Variants in COX7B2 observed in about 807,000 individuals in gnomAD.
COX7B2 encodes cytochrome c oxidase subunit 7B2, mitochondrial.
For missense variants in COX7B2, 109 were observed against 95.9 expected (o/e 1.14, Z -0.57); for synonymous variants, 37 against 32.1 (o/e 1.15, Z -0.51).
chr4:46,758,787 G>A (rs1715955010), intron 2 of COX7B2, among the ~76,000 whole-genome samples: 1 of 151,964 alleles, frequency 6.6e-6, no homozygotes, highest in Non-Finnish European at 1.5e-5. Flanking sequence ...CAGTTTTCAT[G>A]GACTCACAAT....
intron 2 of COX7B2, among the ~76,000 whole-genome samples, chr4:46,744,425 C>T (rs952146421): frequency 3.9e-5 from 6 of 152,068 alleles, no homozygotes; most frequent in Admixed American, 2.0e-4. Flanking sequence ...AGCAGCCAAC[C>T]TCTGCTATAA....
intron 2 of COX7B2, among the ~76,000 whole-genome samples, chr4:46,747,280 C>CTATTTTATTTTATTT (rs113440373): frequency 3.9e-5 from 4 of 102,422 alleles, no homozygotes; most frequent in African/African-American, 9.5e-5. Context: ...CATTAAGCTC[C>CTATTTTATTTTATTT]TATTTTATTT....
At chr4:46,902,109 G>A (rs977196529) in intron 1 of COX7B2, among the ~76,000 whole-genome samples, 4 of 152,088 alleles carry the variant, frequency 2.6e-5, no homozygotes, top group African/African-American at 9.7e-5. Context: ...TGAGCAATGG[G>A]TTTTCCAATA....
At chr4:46,848,312 T>C (rs1479191650) in intron 1 of COX7B2, among the ~76,000 whole-genome samples, 1 of 152,082 alleles carries the variant, frequency 6.6e-6, no homozygotes, top group Non-Finnish European at 1.5e-5. Context: ...AAGACATGCT[T>C]GGATTGGCTT....
intron 2 of COX7B2, among the ~76,000 whole-genome samples, chr4:46,754,366 T>C (rs1271121711): frequency 2.6e-5 from 4 of 151,108 alleles, no homozygotes; most frequent in African/African-American, 4.9e-5. Flanking sequence ...ATATACACCA[T>C]GGAATACTAT....
intron 1 of COX7B2, among the ~76,000 whole-genome samples, chr4:46,873,723 A>T (rs1718148671): frequency 6.6e-6 from 1 of 152,172 alleles, no homozygotes; most frequent in Non-Finnish European, 1.5e-5. Context: ...CACAACGTGC[A>T]GGTTTGTTAC....
Position 46,763,839 on chromosome 4 carries a change from G to A in COX7B2, c.-49-28598C>T, listed in dbSNP as rs77422331. On this transcript the variant is annotated intron_variant, in intron 2 of 2. Coordinates refer to ENST00000355591, the MANE Select transcript of COX7B2 (RefSeq NM_130902.3). ...TGCACATACACACATACTTTGAAAC[G>A]GACAAATGATTAATGACTTTAGAAA... 3.3e-5 allele frequency among the ~76,000 whole-genome samples: 5 copies of A among 152,128 alleles called. No homozygotes were observed. The East Asian group carries it at 9.7e-4, about 29-fold the overall frequency.
rs568752015 is a variant in COX7B2 at position 46,905,214 on chromosome 4, T to G, written c.-105+3946A>C. Among the ~76,000 whole-genome samples, 29 of 152,198 alleles carry G rather than the reference T, an allele frequency of 1.9e-4. No individual in the cohort carries two copies. The South Asian group carries it at 4.6e-3, about 24-fold the overall frequency. ...GAACCTGTAGGCATGGGTAAATATA[T>G]GAATAGAAGTAAGGTTTGTCAAATT... On this transcript the variant is annotated intron_variant, in intron 1 of 2. Transcript: ENST00000355591.
chr4:46,831,105 C>T (rs1230950119), intron 2 of COX7B2, among the ~76,000 whole-genome samples: 1 of 152,282 alleles, frequency 6.6e-6, no homozygotes, highest in East Asian at 1.9e-4. Flanking sequence ...TCCGGGTGGG[C>T]ATGGGCTTGG....
chr4:46,890,290 A>G (rs560020453), intron 1 of COX7B2, among the ~76,000 whole-genome samples: 2 of 152,332 alleles, frequency 1.3e-5, no homozygotes, highest in Admixed American at 6.5e-5. Flanking sequence ...TCTGGCAACT[A>G]GCTGCGAACT....
intron 2 of COX7B2, among the ~76,000 whole-genome samples, chr4:46,766,075 GT>G (rs1716517414): frequency 6.6e-6 from 1 of 152,114 alleles, no homozygotes; most frequent in African/African-American, 2.4e-5. Flanking sequence ...GCCAGACCCT[GT>G]TTCCAACACA....
chr4:46,778,225 C>T (rs1472033352), intron 2 of COX7B2, among the ~76,000 whole-genome samples: 2 of 152,116 alleles, frequency 1.3e-5, no homozygotes, highest in Non-Finnish European at 2.9e-5. Context: ...TCAGAAGTAT[C>T]CATGAACAAG....
At chr4:46,848,159 T>C (rs1716417547) in intron 1 of COX7B2, among the ~76,000 whole-genome samples, 1 of 152,084 alleles carries the variant, frequency 6.6e-6, no homozygotes, top group Non-Finnish European at 1.5e-5. Context: ...TAAGACCCAA[T>C]TAGTGTCAGA....
At chr4:46,822,617 C>A (rs560844140) in intron 2 of COX7B2, among the ~76,000 whole-genome samples, 1 of 152,202 alleles carries the variant, frequency 6.6e-6, no homozygotes, top group South Asian at 2.1e-4. Flanking sequence ...AACTTAAATT[C>A]TATTTTAAAA....
intron 2 of COX7B2, among the ~76,000 whole-genome samples, chr4:46,737,613 C>T (rs1714442464): frequency 6.6e-6 from 1 of 152,112 alleles, no homozygotes; most frequent in African/African-American, 2.4e-5. Context: ...ATGTGCATTT[C>T]ATAATAGCCA....
chr4:46,753,826 C>T (rs1715569368), intron 2 of COX7B2, among the ~76,000 whole-genome samples: 1 of 152,082 alleles, frequency 6.6e-6, no homozygotes, highest in Non-Finnish European at 1.5e-5. Context: ...TGACAAAGGG[C>T]TAATATCCAG....
At chr4:46,794,304 G>T (rs1174809210) in intron 2 of COX7B2, among the ~76,000 whole-genome samples, 1 of 152,188 alleles carries the variant, frequency 6.6e-6, no homozygotes, top group Non-Finnish European at 1.5e-5. Context: ...TAATGTTGCA[G>T]TTCAGGGAGT....
At chr4:46,812,637 A>C (rs1454369050) in intron 2 of COX7B2, among the ~76,000 whole-genome samples, 1 of 152,110 alleles carries the variant, frequency 6.6e-6, no homozygotes, top group Non-Finnish European at 1.5e-5. Flanking sequence ...CACTTCCAGA[A>C]GAGGGGGGAT....
At chr4:46,907,081 A>C (rs1720436848) in intron 1 of COX7B2, among the ~76,000 whole-genome samples, 1 of 152,198 alleles carries the variant, frequency 6.6e-6, no homozygotes, top group African/African-American at 2.4e-5. Context: ...TCTTTCAAGG[A>C]GCCATTCCAT....
Sources: gnomAD v4.1 joint callset for allele counts (sites outside exome capture counted in the v4.1 genomes callset) on GRCh38, gnomAD v4.1.1 for gene constraint, MANE v1.5 for transcripts, NCBI Gene and HGNC (gene_info 2026-07-23, HGNC 2026-07-21) for gene names.